Variants in STXBP2 observed in about 807,000 individuals in gnomAD.
STXBP2 encodes the protein syntaxin binding protein 2.
STXBP2 carries 47 observed loss-of-function variants against 72.2 expected under a neutral mutation model. That is an observed-to-expected ratio of 0.65 (90% CI 0.51 to 0.83). The LOEUF is 0.83. Among genes scored for constraint, STXBP2 ranks in the 40% least tolerant of loss-of-function variants. The pLI is 0.00. For missense variants in STXBP2, 702 were observed against 807.6 expected, an observed-to-expected ratio of 0.87 and a Z score of 1.58; for synonymous variants, 367 against 338.7, an observed-to-expected ratio of 1.08 and a Z score of -0.92.
intron 4 of STXBP2, chr19:7,640,268 G>A (rs2031779930): frequency 3.7e-6 from 2 of 544,502 alleles, no homozygotes; most frequent in African/African-American, 1.9e-5. Context: ...GTGTATGCGT[G>A]TATATGTATG....
At chr19:7,638,873 C>T in intron 2 of STXBP2, 98 bp downstream of exon 2, 2 of 1,584,262 alleles carry the variant, frequency 1.3e-6, no homozygotes, top group Non-Finnish European at 1.7e-6. Context: ...TGCCTGTCCA[C>T]ATGGGTGGAG....
Position 7,647,495 on chromosome 19 carries a change from G to A in STXBP2, c.1680G>A (p.Lys560=). The A allele has an allele frequency of 6.2e-7, 1 of 1,602,256 alleles. No individual in the cohort carries two copies. Among genetic ancestry groups the A allele is most frequent in the Non-Finnish European group, 8.5e-7 (1 of 1,174,070 alleles). ...AYEVTRATEG[K]WEVLIGSSHI... ...AGGTGACCAGGGCCACCGAGGGCAAGTGGGAGGTGCTCATTGGTAAGTCAC... is the reference window on the plus strand; with the variant it reads ...AGGTGACCAGGGCCACCGAGGGCAAATGGGAGGTGCTCATTGGTAAGTCAC... Residue 560 remains lysine (K), a synonymous_variant, in exon 18 of 19, where the codon AAG becomes AAA. Transcript: ENST00000221283.
intron 16 of STXBP2, chr19:7,646,718 T>C (rs1310467090): frequency 1.3e-5 from 5 of 395,898 alleles, no homozygotes; most frequent in African/African-American, 2.0e-5. Flanking sequence ...CTTGTCCCTC[T>C]AAGAGCCCCG....
chr19:7,646,265 G>C lies in STXBP2; in HGVS notation c.1373G>C (p.Ser458Thr), dbSNP rs753091870. The part of the protein sequence containing the change: ...VTNPGGSGTS[S>T]RLEPRERMEP... The stretch of plus-strand genomic sequence containing the variant: ...TGCCTGTAGGGCTCGGGGACCTCCA[G>C]CCGGCTGGAGCCGAGAGAACGCATG... Residue 458 changes from serine (S) to threonine (T), a missense_variant, in exon 16 of 19, where the codon AGC becomes ACC. Physicochemically the swap from Ser to Thr is moderately conservative, Grantham distance 58 (BLOSUM62 1). Coordinates refer to ENST00000221283, the MANE Select transcript of STXBP2 (RefSeq NM_006949.4). 1.2e-5 allele frequency: 19 copies of C among 1,607,744 alleles called. No individual in the cohort carries two copies. The highest frequency in any genetic ancestry group is 1.5e-5 in the Non-Finnish European group (18 of 1,177,856).
upstream of STXBP2, among the ~76,000 whole-genome samples, chr19:7,635,809 C>A (rs76629662): frequency 9.4e-3 from 1,426 of 152,276 alleles, 24 homozygotes; most frequent in African/African-American, 0.031. Context: ...TGCCAACCGT[C>A]CTGGTTTGCC....
At chr19:7,633,715 T>A, upstream of STXBP2, 1 of 536,402 alleles carries the variant, frequency 1.9e-6, no homozygotes, top group Non-Finnish European at 3.3e-6. Flanking sequence ...CCAGCAGCAA[T>A]GACTGGACCC....
the STXBP2 span, chr19:7,631,399 C>CGGGGGGGGGG: frequency 3.8e-5 from 22 of 583,018 alleles, no homozygotes; most frequent in African/African-American, 7.6e-5. Context: ...GAGAGGTGGG[C>CGGGGGGGGGG]GGGGGGGGGT....
Position 7,642,540 on chromosome 19 carries a change from C to A in STXBP2, c.902+4C>A. 1 of 1,613,444 alleles carries A rather than the reference C, an allele frequency of 6.2e-7. No individual in the cohort carries two copies. The highest frequency in any genetic ancestry group is 8.5e-7 in the Non-Finnish European group (1 of 1,179,678). ...TGCATATCGCAGATGTGTCCAAGTGCGTGCACACGGGGACCGGATCCCCCC... is the reference window on the plus strand; with the variant it reads ...TGCATATCGCAGATGTGTCCAAGTGAGTGCACACGGGGACCGGATCCCCCC... On this transcript the variant is annotated splice_donor_region_variant and intron_variant, in intron 10 of 18. Coordinates refer to ENST00000221283, the MANE Select transcript of STXBP2 (RefSeq NM_006949.4). The surrounding 1 kb of genome is among the most constrained non-coding windows in gnomAD (Gnocchi z 6.0).
chr19:7,639,854 A>ATGTGCGTG (rs2031719083), intron 4 of STXBP2, 47 bp downstream of exon 4: 1 of 1,585,406 alleles, frequency 6.3e-7, no homozygotes, highest in Admixed American at 1.7e-5. Context: ...ATGCGTGTAC[A>ATGTGCGTG]TGTGCATGTG....
At position 7,640,008 on chromosome 19, in the gene STXBP2, GTGTC is replaced by G. The variant is rs544085303; in HGVS notation, c.246+205_246+208del. On this transcript the variant is annotated intron_variant, in intron 4 of 18. Coordinates refer to ENST00000221283, the MANE Select transcript of STXBP2 (RefSeq NM_006949.4). ...CGTGTTTGCATGTGTGTCTATGTAT[GTGTC>G]TGTGTGCATGTGCATGTGTGTGCGT... 2,551 of 683,930 alleles carry G rather than the reference GTGTC, an allele frequency of 3.7e-3. 20 individuals are homozygous for G. Among genetic ancestry groups the G allele is most frequent in the African/African-American group, 0.021 (1,129 of 53,196 alleles). 42.4% of individuals were successfully genotyped at this position (683,930 alleles called of 1,614,324 possible). A position where few individuals can be genotyped will look rare whatever the true frequency, so the allele number is the denominator to read the frequency against.
At chr19:7,638,629 A>G in intron 1 of STXBP2, 97 bp from the exon 2 acceptor site, 5 of 1,299,296 alleles carry the variant, frequency 3.8e-6, no homozygotes, top group Admixed American at 2.0e-5. Flanking sequence ...AGTAAATGGG[A>G]ATTAAGATGG....
chr19:7,646,025 C>T (rs2032120486), intron 15 of STXBP2: 2 of 591,902 alleles, frequency 3.4e-6, no homozygotes, highest in Non-Finnish European at 6.0e-6. Context: ...CTTTGTCTTT[C>T]TCTGGCTCGC....
intron 4 of STXBP2, chr19:7,640,244 CTGTG>C (rs202089734): frequency 1.4e-5 from 7 of 493,050 alleles, no homozygotes; most frequent in East Asian, 1.0e-4. Context: ...CTGTGTGTAT[CTGTG>C]TGTGCATGTG....
At chr19:7,629,864 A>C in the STXBP2 span, 7 of 1,533,704 alleles carry the variant, frequency 4.6e-6, no homozygotes, top group African/African-American at 1.4e-5. Flanking sequence ...ATTTCGGGTC[A>C]GTGGACACAG....
At chr19:7,640,012 C>T (rs1214989571) in intron 4 of STXBP2, 4 of 666,116 alleles carry the variant, frequency 6.0e-6, no homozygotes, top group Non-Finnish European at 1.1e-5. Flanking sequence ...ATGTATGTGT[C>T]TGTGTGCATG....
intron 13 of STXBP2, among the ~76,000 whole-genome samples, chr19:7,644,132 T>C (rs79840713): frequency 0.12 from 2,374 of 19,652 alleles, 21 homozygotes; most frequent in Admixed American, 0.15. Context: ...GAGGTGGGAC[T>C]TGGGTGAGGG....
At chr19:7,641,598 C>T in intron 6 of STXBP2, 107 bp from the exon 7 acceptor site, 2 of 1,486,756 alleles carry the variant, frequency 1.3e-6, no homozygotes, top group South Asian at 1.2e-5. Context: ...AAGCAGGCTT[C>T]AGGGACCAGG....
Position 7,640,828 on chromosome 19 carries a change from G to C in STXBP2, c.325+19G>C. 6.2e-7 allele frequency: 1 copy of C among 1,614,070 alleles called. No individual in the cohort carries two copies. Among genetic ancestry groups the C allele is most frequent in the Non-Finnish European group, 8.5e-7 (1 of 1,179,908 alleles). ...ACCGACAGTGAGTGAGGAGAGCCTA[G>C]GGTGTTGGTGGGTGGGGCAAGGAGG... On this transcript the variant is annotated intron_variant, in intron 5 of 18. Transcript: ENST00000221283.
rs759841324 is a variant in STXBP2 at position 7,642,115 on chromosome 19, C to T, written c.660C>T (p.Gly220=). 2.9e-5 allele frequency: 47 copies of T among 1,613,966 alleles called. No homozygotes were observed. The highest frequency in any genetic ancestry group is 3.6e-5 in the Non-Finnish European group (42 of 1,180,016). Residue 220 remains glycine, a synonymous_variant, in exon 8 of 19, where the codon GGC becomes GGT. Transcript: ENST00000221283. This position sits in a 1 kb window ranked among gnomAD's most constrained non-coding sequence, Gnocchi z 6.0. ...TCAAGGCAGACACTCCCAGTCTGGGCGAGGTGAGGGGGCGTGCTTGGGAGG... is the reference window on the plus strand; with the variant it reads ...TCAAGGCAGACACTCCCAGTCTGGGTGAGGTGAGGGGGCGTGCTTGGGAGG... ...NAFKADTPSL[G]EGPEKTRSQL... is the part of the protein sequence containing the mutation.
Sources: allele counts gnomAD v4.1 joint callset (sites outside exome capture counted in the v4.1 genomes callset), GRCh38; gene constraint gnomAD v4.1.1; non-coding constraint Gnocchi (gnomAD v3.1); transcripts MANE v1.5; gene names NCBI Gene and HGNC (gene_info 2026-07-23, HGNC 2026-07-21).